The following FBXL17 variants were observed in gnomAD, a reference collection of about 807,000 sequenced individuals.
FBXL17 encodes the protein F-box/LRR-repeat protein 17.
Under a neutral mutation model 66.2 loss-of-function variants are expected in FBXL17, and 22 were observed. The observed-to-expected ratio is 0.33, with a 90% confidence interval of 0.24 to 0.47. The LOEUF is 0.47. FBXL17 is among the 20% of genes least tolerant of loss of function. The pLI, the probability that FBXL17 is intolerant of heterozygous loss-of-function variation, is 1.00. For synonymous variants in FBXL17, 474 were observed against 400.5 expected (o/e 1.18, Z -2.19); for missense variants, 878 against 948.2 (o/e 0.93, Z 0.97).
chr5:107,998,593 T>C (rs1372649388), intron 7 of FBXL17, among the ~76,000 whole-genome samples: 1 of 151,868 alleles, frequency 6.6e-6, no homozygotes, highest in African/African-American at 2.4e-5. Flanking sequence ...ATTCTAAATA[T>C]ATACAATGAC....
intron 7 of FBXL17, among the ~76,000 whole-genome samples, chr5:107,936,879 T>C (rs1001104402): frequency 1.3e-5 from 2 of 152,094 alleles, no homozygotes; most frequent in African/African-American, 4.8e-5. Context: ...GATGAACAGC[T>C]TTACCCACCA....
At chr5:108,003,757 C>T (rs1753824455) in intron 7 of FBXL17, among the ~76,000 whole-genome samples, 1 of 151,880 alleles carries the variant, frequency 6.6e-6, no homozygotes, top group South Asian at 2.1e-4. Context: ...GAAAAATCAG[C>T]AAATCGTAAG....
chr5:108,195,413 TC>T (rs1414968979), intron 5 of FBXL17, among the ~76,000 whole-genome samples: 1 of 152,048 alleles, frequency 6.6e-6, no homozygotes, highest in African/African-American at 2.4e-5. Context: ...ATGGAAACTG[TC>T]CCAGCACTTT....
rs1426563128 is a variant in FBXL17 at position 108,009,298 on chromosome 5, T to TATAC, written c.1822+11623_1822+11626dup. On this transcript the variant is annotated intron_variant, in intron 7 of 8. Coordinates refer to ENST00000542267, the MANE Select transcript of FBXL17 (RefSeq NM_001163315.3). The stretch of plus-strand genomic sequence containing the variant: ...ATATATATATATATATATATATATA[T>TATAC]ATACATATATACATACACATATAGT... 5.3e-4 allele frequency among the ~76,000 whole-genome samples: 38 copies of TATAC among 71,414 alleles called. 1 individual carries two copies. The highest frequency in any genetic ancestry group is 8.8e-4 in the Non-Finnish European group (35 of 39,864). 46.9% of individuals were successfully genotyped at this position (71,414 alleles called of 152,430 possible).
chr5:108,326,031 C>T (rs1759831501), intron 4 of FBXL17, among the ~76,000 whole-genome samples: 1 of 152,108 alleles, frequency 6.6e-6, no homozygotes, highest in African/African-American at 2.4e-5. Context: ...TGAGTTTACA[C>T]TTTAAGGGTG....
chr5:108,303,171 T>G (rs1758670520), intron 4 of FBXL17, among the ~76,000 whole-genome samples: 1 of 151,924 alleles, frequency 6.6e-6, no homozygotes, highest in Non-Finnish European at 1.5e-5. Context: ...GTGCCTCTAC[T>G]AACTCTTAAT....
chr5:108,087,032 ACATACGCTTTC>A (rs1749001620), intron 6 of FBXL17, among the ~76,000 whole-genome samples: 1 of 151,798 alleles, frequency 6.6e-6, no homozygotes, highest in African/African-American at 2.4e-5. Flanking sequence ...ACTGAATAGG[ACATACGCTTTC>A]CATACACTGT....
intron 6 of FBXL17, among the ~76,000 whole-genome samples, chr5:108,106,705 T>C (rs1256964104): frequency 6.6e-6 from 1 of 152,150 alleles, no homozygotes; most frequent in Non-Finnish European, 1.5e-5. Context: ...GGCAAATCCA[T>C]AGAGACAAAA....
intron 7 of FBXL17, among the ~76,000 whole-genome samples, chr5:107,994,844 A>C (rs751810995): frequency 6.6e-5 from 10 of 152,158 alleles, no homozygotes; most frequent in Non-Finnish European, 1.5e-4. Flanking sequence ...CATCTCAAAA[A>C]ACAAAAACAA....
chr5:108,223,673 C>T (rs1754971011), intron 5 of FBXL17, among the ~76,000 whole-genome samples: 1 of 152,032 alleles, frequency 6.6e-6, no homozygotes, highest in African/African-American at 2.4e-5. Flanking sequence ...TATTATTGAA[C>T]TCTCTGAGCC....
intron 7 of FBXL17, among the ~76,000 whole-genome samples, chr5:108,006,275 T>C (rs1353856076): frequency 6.6e-6 from 1 of 152,238 alleles, no homozygotes; most frequent in Non-Finnish European, 1.5e-5. Flanking sequence ...CACTCTGTGA[T>C]AAATAGATTA....
chr5:107,873,812 G>A (rs1036165066), intron 8 of FBXL17, among the ~76,000 whole-genome samples: 9 of 152,176 alleles, frequency 5.9e-5, no homozygotes, highest in Non-Finnish European at 1.3e-4. Context: ...TTACTGCAAA[G>A]CAATGACGCT....
At chr5:108,093,646 A>G (rs2149932769) in intron 6 of FBXL17, among the ~76,000 whole-genome samples, 1 of 152,298 alleles carries the variant, frequency 6.6e-6, no homozygotes, top group Non-Finnish European at 1.5e-5. Context: ...ACAATTCTAC[A>G]CTGACAGTTT....
chr5:108,126,822 A>G (rs978803768), intron 6 of FBXL17, among the ~76,000 whole-genome samples: 18 of 151,936 alleles, frequency 1.2e-4, no homozygotes, highest in African/African-American at 4.3e-4. Context: ...TAATTCACCT[A>G]AAGATACATT....
chr5:107,866,777 A>G (rs1748288636), intron 8 of FBXL17, among the ~76,000 whole-genome samples: 1 of 152,200 alleles, frequency 6.6e-6, no homozygotes, highest in African/African-American at 2.4e-5. Flanking sequence ...ATGGGGGAAA[A>G]TATTTGACAT....
At chr5:108,241,311 A>AT (rs988309404) in intron 4 of FBXL17, among the ~76,000 whole-genome samples, 2 of 152,268 alleles carry the variant, frequency 1.3e-5, no homozygotes, top group South Asian at 2.1e-4. Flanking sequence ...ACTAAAATAT[A>AT]TTTTTTTAAA....
intron 4 of FBXL17, among the ~76,000 whole-genome samples, chr5:108,273,039 C>G (rs1429234474): frequency 6.6e-6 from 1 of 152,086 alleles, no homozygotes; most frequent in Non-Finnish European, 1.5e-5. Context: ...TCGGTAGGTT[C>G]CGTGATGCCC....
intron 8 of FBXL17, among the ~76,000 whole-genome samples, chr5:107,867,502 T>C (rs558993382): frequency 6.6e-6 from 1 of 152,350 alleles, no homozygotes; most frequent in South Asian, 2.1e-4. Context: ...CCCCACACAG[T>C]TCAGAGGATT....
chr5:108,017,849 G>A (rs1168677874), intron 7 of FBXL17, among the ~76,000 whole-genome samples: 1 of 152,062 alleles, frequency 6.6e-6, no homozygotes, highest in East Asian at 1.9e-4. Context: ...TCAGTTTGGG[G>A]AGTAAGAAGC....
Sources: gnomAD v4.1 joint callset for allele counts (sites outside exome capture counted in the v4.1 genomes callset) on GRCh38, gnomAD v4.1.1 for gene constraint, MANE v1.5 for transcripts, NCBI Gene and HGNC (gene_info 2026-07-23, HGNC 2026-07-21) for gene names.